Variants in IQSEC1 observed in about 807,000 individuals in gnomAD.
IQSEC1 encodes IQ motif and SEC7 domain-containing protein 1.
Under a neutral mutation model 91.0 loss-of-function variants are expected in IQSEC1, and 31 were observed. The ratio of observed to expected loss-of-function variants is 0.34; its 90% CI spans 0.26 to 0.46. The LOEUF (loss-of-function observed/expected upper bound fraction) is 0.46. Among genes scored for constraint, IQSEC1 ranks in the 20% least tolerant of loss-of-function variants. The pLI is 1.00. For missense variants in IQSEC1, 1,388 were observed against 1,575.6 expected (o/e 0.88, Z 2.02); for synonymous variants, 699 against 662.6 (o/e 1.05, Z -0.84).
In IQSEC1 at chr3:12,899,212, C is replaced by G; in HGVS notation, c.*1771G>C. 1 of 665,812 alleles carries G rather than the reference C, an allele frequency of 1.5e-6. No individual in the cohort carries two copies. Among genetic ancestry groups the G allele is most frequent in the South Asian group, 2.0e-5 (1 of 51,028 alleles). The allele number at this position is 665,812 out of a possible 1,614,324, so 41.2% of individuals were successfully genotyped here. On this transcript the variant is annotated 3_prime_UTR_variant, in exon 14 of 14. Transcript: ENST00000613206. ...GGCAAAACCCTGGCCAGCCAGCCAGCCAAGGTGACACACAGCCAGAGGGGG... is the reference window on the plus strand; with the variant it reads ...GGCAAAACCCTGGCCAGCCAGCCAGGCAAGGTGACACACAGCCAGAGGGGG...
chr3:13,163,628 G>T (rs1693391124), intron 2 of IQSEC1, among the ~76,000 whole-genome samples: 2 of 152,156 alleles, frequency 1.3e-5, no homozygotes, highest in African/African-American at 4.8e-5. Flanking sequence ...CGGTTGGTGG[G>T]GCGAGGATGG....
intron 1 of IQSEC1, among the ~76,000 whole-genome samples, chr3:13,189,288 G>C (rs778506355): frequency 1.8e-4 from 28 of 152,204 alleles, no homozygotes; most frequent in Non-Finnish European, 3.5e-4. Flanking sequence ...GCATAGCCCT[G>C]GTTTGGGAAC....
intron 2 of IQSEC1, among the ~76,000 whole-genome samples, chr3:13,164,078 C>A (rs7643470): frequency 3.9e-5 from 6 of 152,292 alleles, no homozygotes; most frequent in African/African-American, 1.4e-4. Context: ...TTCAGACACA[C>A]GGACAGAGGT....
At chr3:13,174,604 C>G (rs550859490) in intron 1 of IQSEC1, among the ~76,000 whole-genome samples, 2 of 152,302 alleles carry the variant, frequency 1.3e-5, no homozygotes, top group South Asian at 4.1e-4. Context: ...AGAATCAGCC[C>G]TTTCCCAACC....
At chr3:13,100,102 G>A (rs1158987033) in intron 2 of IQSEC1, among the ~76,000 whole-genome samples, 1 of 148,060 alleles carries the variant, frequency 6.8e-6, no homozygotes, top group Non-Finnish European at 1.5e-5. Flanking sequence ...GAACAGTGGC[G>A]TGGCGAGGGC....
chr3:13,201,951 G>A (rs1255940877), intron 1 of IQSEC1, among the ~76,000 whole-genome samples: 1 of 152,146 alleles, frequency 6.6e-6, no homozygotes, highest in African/African-American at 2.4e-5. Context: ...ATAATGTGGG[G>A]AAAATTATTA....
At chr3:12,907,593 G>A (rs1022791992) in intron 12 of IQSEC1, among the ~76,000 whole-genome samples, 4 of 152,212 alleles carry the variant, frequency 2.6e-5, no homozygotes, top group Non-Finnish European at 4.4e-5. Context: ...GGCACCCACC[G>A]GTCGGCCAGT....
chr3:13,138,812 T>C (rs1295303559), intron 2 of IQSEC1, among the ~76,000 whole-genome samples: 3 of 151,794 alleles, frequency 2.0e-5, no homozygotes, highest in Non-Finnish European at 2.9e-5. Context: ...CCCCCTCTGC[T>C]TGTGAGCTTC....
intron 1 of IQSEC1, among the ~76,000 whole-genome samples, chr3:13,276,077 A>ATCC (rs1559291477): frequency 2.3e-5 from 2 of 85,600 alleles, no homozygotes; most frequent in Non-Finnish European, 4.6e-5. Context: ...CCTCAAAAGC[A>ATCC]TTCTTTTTTT....
Position 12,983,664 on chromosome 3 carries a change from A to C in IQSEC1, c.24-41799T>G, listed in dbSNP as rs541277045. On this transcript the variant is annotated intron_variant, in intron 1 of 13. Coordinates refer to ENST00000613206, the MANE Select transcript of IQSEC1 (RefSeq NM_001134382.3). The surrounding 1 kb of genome is among the most constrained non-coding windows in gnomAD (Gnocchi z 4.3). ...AGCTCCTTCAGGGACGCCTGGGCTGACCTCACAGGCCACGCTGGGCAATTC... is the reference window on the plus strand; with the variant it reads ...AGCTCCTTCAGGGACGCCTGGGCTGCCCTCACAGGCCACGCTGGGCAATTC... Among the ~76,000 whole-genome samples, 248 of 152,098 alleles carry C rather than the reference A, an allele frequency of 1.6e-3. 2 individuals carry two copies. Among genetic ancestry groups the C allele is most frequent in the African/African-American group, 5.3e-3 (219 of 41,496 alleles).
At chr3:13,167,378 T>A (rs187210956) in intron 1 of IQSEC1, among the ~76,000 whole-genome samples, 1 of 152,290 alleles carries the variant, frequency 6.6e-6, no homozygotes, top group Admixed American at 6.5e-5. Flanking sequence ...TCCACCACTG[T>A]GGGAAGCTGA....
intron 1 of IQSEC1, among the ~76,000 whole-genome samples, chr3:12,945,857 G>A (rs1165078388): frequency 6.6e-6 from 1 of 152,212 alleles, no homozygotes; most frequent in Non-Finnish European, 1.5e-5. Context: ...GGCACTCTAG[G>A]ACTCTGCTGC....
intron 1 of IQSEC1, among the ~76,000 whole-genome samples, chr3:13,182,946 C>T (rs564438799): frequency 7.4e-4 from 113 of 152,226 alleles, no homozygotes; most frequent in African/African-American, 2.5e-3. Context: ...AGGTGGATCA[C>T]GAGGTCAGGA....
At chr3:13,197,301 A>T (rs1195340946) in intron 1 of IQSEC1, among the ~76,000 whole-genome samples, 1 of 152,202 alleles carries the variant, frequency 6.6e-6, no homozygotes, top group Non-Finnish European at 1.5e-5. Context: ...AACAGCGGGA[A>T]AGAGGCATCT....
Position 12,935,978 on chromosome 3 carries a change from C to T in IQSEC1, c.1038G>A (p.Arg346=), listed in dbSNP as rs2125308206. The change falls in exon 3 of 14, where the codon CGG becomes CGA. Residue 346 remains arginine, a synonymous_variant. Coordinates refer to ENST00000613206, the MANE Select transcript of IQSEC1 (RefSeq NM_001134382.3). The surrounding 1 kb of genome is among the most constrained non-coding windows in gnomAD (Gnocchi z 8.0). The stretch of plus-strand genomic sequence containing the variant: ...CCTGCCGCTCCAGCGACGGCGTGCT[C>T]CGGCAGCTCGTGTCCGTGTCAGCCT... The part of the protein sequence containing the change: ...EDKADTDTSC[R]STPSLERQEQ... The T allele has an allele frequency of 6.3e-7, 1 of 1,599,392 alleles. No individual in the cohort carries two copies. The highest frequency in any genetic ancestry group is 1.7e-4 in the Middle Eastern group (1 of 5,846).
intron 1 of IQSEC1, among the ~76,000 whole-genome samples, chr3:13,213,122 C>A (rs1694477139): frequency 6.6e-6 from 1 of 152,196 alleles, no homozygotes; most frequent in Admixed American, 6.5e-5. Flanking sequence ...AATCCTTTGC[C>A]AAACCCAAGG....
At chr3:13,277,144 A>G (rs1380008012) in intron 1 of IQSEC1, among the ~76,000 whole-genome samples, 1 of 150,374 alleles carries the variant, frequency 6.7e-6, no homozygotes, top group Non-Finnish European at 1.5e-5. Context: ...AAAACAGAAA[A>G]CAAGACACAA....
intron 1 of IQSEC1, among the ~76,000 whole-genome samples, chr3:13,040,180 G>A (rs190520033): frequency 7.1e-4 from 108 of 152,228 alleles, no homozygotes; most frequent in African/African-American, 2.2e-3. Flanking sequence ...ACGTTTGTTC[G>A]TGCTTTGTTT....
Position 12,924,529 on chromosome 3 carries a change from C to A in IQSEC1, c.1730+52G>T. On this transcript the variant is annotated intron_variant, in intron 4 of 13. Coordinates refer to ENST00000613206, the MANE Select transcript of IQSEC1 (RefSeq NM_001134382.3). The surrounding 1 kb of genome is among the most constrained non-coding windows in gnomAD (Gnocchi z 6.3). ...GTGTGCCCACGGGTAACACAGGGTG[C>A]GTGAGGGCGTGTGTGGAATCAGGTC... 6.6e-7 allele frequency: 1 copy of A among 1,524,238 alleles called. No individual in the cohort carries two copies. Among genetic ancestry groups the A allele is most frequent in the Non-Finnish European group, 8.9e-7 (1 of 1,125,040 alleles). The allele number at this position is 1,524,238 out of a possible 1,614,324, so 94.4% of individuals were successfully genotyped here.
Sources: gnomAD v4.1 joint callset for allele counts (sites outside exome capture counted in the v4.1 genomes callset) on GRCh38, gnomAD v4.1.1 for gene constraint, Gnocchi (gnomAD v3.1) non-coding constraint, MANE v1.5 for transcripts, NCBI Gene and HGNC (gene_info 2026-07-23, HGNC 2026-07-21) for gene names.